FHOD3: variants seen among roughly 807,000 people sequenced by gnomAD.
FHOD3 encodes FH1/FH2 domain-containing protein 3.
Under a neutral mutation model 173.0 loss-of-function variants are expected in FHOD3, and 90 were observed. That is an observed-to-expected ratio of 0.52 (90% confidence interval 0.44 to 0.62). The LOEUF is 0.62. Ranked by LOEUF, FHOD3 falls within the 20% of genes least tolerant of loss-of-function variation. The pLI is 0.00. For missense variants in FHOD3, 1,945 were observed against 2,034.7 expected (o/e 0.96, Z 0.85); for synonymous variants, 828 against 823.0 (o/e 1.01, Z -0.10).
chr18:36,403,025 C>A (rs2048897300), intron 3 of FHOD3, among the ~76,000 whole-genome samples: 1 of 152,204 alleles, frequency 6.6e-6, no homozygotes. Flanking sequence ...AAGTGAAAAT[C>A]TTCGAGGATA....
At position 36,537,429 on chromosome 18, in the gene FHOD3, C is replaced by T. The variant is rs201524782; in HGVS notation, c.511+24886C>T. Among the ~76,000 whole-genome samples the T allele has an allele frequency of 1.2e-4, 19 of 152,224 alleles. No individual in the cohort carries two copies. In the East Asian group the frequency reaches 3.7e-3, roughly 29 times the overall value. On this transcript the variant is annotated intron_variant, in intron 5 of 28. Coordinates refer to ENST00000590592, the MANE Select transcript of FHOD3 (RefSeq NM_001281740.3). ...TCATTCCTGTCTGGTGGTAAGGGCA[C>T]CCCCCTTGCCCAGGAGCCAGTGGAC...
At chr18:36,694,899 G>A (rs1050143582) in intron 17 of FHOD3, among the ~76,000 whole-genome samples, 2 of 152,174 alleles carry the variant, frequency 1.3e-5, no homozygotes, top group African/African-American at 2.4e-5. Flanking sequence ...AGTTTAACTC[G>A]AGACCATTCT....
chr18:36,387,365 GGTA>G (rs1264085517), intron 3 of FHOD3, among the ~76,000 whole-genome samples: 1 of 152,154 alleles, frequency 6.6e-6, no homozygotes, highest in Non-Finnish European at 1.5e-5. Context: ...CCTGGCATCT[GGTA>G]GCCCTGCAGG....
At chr18:36,305,468 G>A (rs2092067339) in intron 1 of FHOD3, among the ~76,000 whole-genome samples, 1 of 152,186 alleles carries the variant, frequency 6.6e-6, no homozygotes, top group African/African-American at 2.4e-5. Flanking sequence ...CGTTCTTGAA[G>A]AAGAGAAAAC....
chr18:36,762,708 A>G (rs572627049), intron 27 of FHOD3, among the ~76,000 whole-genome samples: 1 of 151,870 alleles, frequency 6.6e-6, no homozygotes, highest in African/African-American at 2.4e-5. Flanking sequence ...AGGCAGGAGA[A>G]TTGCTTGAAC....
intron 1 of FHOD3, among the ~76,000 whole-genome samples, chr18:36,306,039 G>A (rs1378816933): frequency 6.6e-6 from 1 of 152,168 alleles, no homozygotes; most frequent in Admixed American, 6.5e-5. Context: ...ATGAAATATT[G>A]TTAAGGGTGC....
intron 4 of FHOD3, among the ~76,000 whole-genome samples, chr18:36,503,077 T>C (rs2055123111): frequency 6.6e-6 from 1 of 152,200 alleles, no homozygotes; most frequent in African/African-American, 2.4e-5. Flanking sequence ...CAAATCTGTC[T>C]TGGATTCCAT....
chr18:36,394,676 C>G (rs1302604752), intron 3 of FHOD3, among the ~76,000 whole-genome samples: 1 of 152,166 alleles, frequency 6.6e-6, no homozygotes, highest in African/African-American at 2.4e-5. Flanking sequence ...AGTGGTAGAG[C>G]AAGATGTTTC....
intron 1 of FHOD3, among the ~76,000 whole-genome samples, chr18:36,349,292 A>T (rs560537765): frequency 1.3e-5 from 2 of 152,306 alleles, no homozygotes; most frequent in East Asian, 3.9e-4. Flanking sequence ...AGTCTCTGCC[A>T]GGTCACACGT....
At chr18:36,516,100 C>A (rs1474097073) in intron 5 of FHOD3, among the ~76,000 whole-genome samples, 1 of 152,154 alleles carries the variant, frequency 6.6e-6, no homozygotes, top group Non-Finnish European at 1.5e-5. Flanking sequence ...TGACTTTGAA[C>A]AATTTCTCAC....
intron 3 of FHOD3, among the ~76,000 whole-genome samples, chr18:36,477,480 C>T (rs920271975): frequency 6.7e-6 from 1 of 148,500 alleles, no homozygotes; most frequent in African/African-American, 2.5e-5. Flanking sequence ...TAAATCCACT[C>T]ACCCACCCAT....
intron 5 of FHOD3, among the ~76,000 whole-genome samples, chr18:36,542,839 A>C (rs2057277411): frequency 6.6e-6 from 1 of 152,218 alleles, no homozygotes; most frequent in African/African-American, 2.4e-5. Context: ...GGAAGCACAA[A>C]AAAAAATGAC....
intron 6 of FHOD3, among the ~76,000 whole-genome samples, chr18:36,581,935 T>A (rs1201678969): frequency 6.6e-6 from 1 of 151,690 alleles, no homozygotes; most frequent in African/African-American, 2.4e-5. Context: ...GAGGTGAGAG[T>A]AGCAGTGGAA....
Position 36,687,707 on chromosome 18 carries a change from A to G in FHOD3, c.2021+529A>G, listed in dbSNP as rs139312326. Among the ~76,000 whole-genome samples, 4 of 152,330 alleles carry G rather than the reference A, an allele frequency of 2.6e-5. No homozygotes were observed. The East Asian group carries it at 7.7e-4, about 29-fold the overall frequency. On this transcript the variant is annotated intron_variant, in intron 16 of 28. Transcript: ENST00000590592. ...CCCAGTACCCACCACAGTGCTTGGC[A>G]TGTAGTTGGGACTTAGGAATAATAT...
intron 3 of FHOD3, among the ~76,000 whole-genome samples, chr18:36,406,412 G>A (rs1215400850): frequency 6.6e-6 from 1 of 152,152 alleles, no homozygotes; most frequent in Non-Finnish European, 1.5e-5. Flanking sequence ...GCGTTTATGG[G>A]CCTCAAAACA....
At chr18:36,756,767 G>A (rs935059083) in intron 25 of FHOD3, among the ~76,000 whole-genome samples, 4 of 152,126 alleles carry the variant, frequency 2.6e-5, no homozygotes, top group African/African-American at 7.2e-5. Context: ...TGGACCTTTA[G>A]GAAGTGCTCA....
At chr18:36,699,311 T>C (rs2039452730) in intron 17 of FHOD3, among the ~76,000 whole-genome samples, 1 of 152,222 alleles carries the variant, frequency 6.6e-6, no homozygotes, top group Non-Finnish European at 1.5e-5. Flanking sequence ...AGAAAGTGCC[T>C]CAGGAGCTAC....
At chr18:36,447,251 A>T (rs1049032142) in intron 3 of FHOD3, among the ~76,000 whole-genome samples, 17 of 152,082 alleles carry the variant, frequency 1.1e-4, no homozygotes, top group African/African-American at 4.1e-4. Context: ...TGTAAAAATG[A>T]TGTTCTGGAG....
At chr18:36,688,097 A>G (rs1406460419) in intron 16 of FHOD3, among the ~76,000 whole-genome samples, 2 of 152,244 alleles carry the variant, frequency 1.3e-5, no homozygotes, top group Non-Finnish European at 2.9e-5. Context: ...AATAAAAGAT[A>G]CAAAGATGTT....
Sources: allele counts gnomAD v4.1 joint callset (sites outside exome capture counted in the v4.1 genomes callset), GRCh38; gene constraint gnomAD v4.1.1; transcripts MANE v1.5; gene names NCBI Gene and HGNC (gene_info 2026-07-23, HGNC 2026-07-21).